Variants in TICRR observed in about 807,000 individuals in gnomAD.
TICRR encodes the protein treslin.
TICRR carries 132 observed loss-of-function variants against 178.1 expected under a neutral mutation model. The observed-to-expected ratio is 0.74, with a 90% CI of 0.64 to 0.86. The LOEUF (loss-of-function observed/expected upper bound fraction) is 0.86, where lower values mean the gene tolerates loss of function less well. Among genes scored for constraint, TICRR ranks in the 40% least tolerant of loss-of-function variants. TICRR has a pLI of 0.00. For synonymous variants in TICRR, 991 were observed against 900.7 expected (o/e 1.10, Z -1.79); for missense variants, 2,587 against 2,334.3 (o/e 1.11, Z -2.23).
At chr15:89,596,588 C>A (rs906332839) in intron 7 of TICRR, among the ~76,000 whole-genome samples, 1 of 152,196 alleles carries the variant, frequency 6.6e-6, no homozygotes, top group African/African-American at 2.4e-5. Context: ...CTCAGGTGAT[C>A]AGCCTGCTTC....
At position 89,584,336 on chromosome 15, in the gene TICRR, A is replaced by T. The variant is rs199854865; in HGVS notation, c.985A>T (p.Met329Leu). 3 of 1,614,214 alleles carry T rather than the reference A, an allele frequency of 1.9e-6. No homozygotes were observed. Among genetic ancestry groups the T allele is most frequent in the Non-Finnish European group, 2.5e-6 (3 of 1,180,036 alleles). ...TWTVTLEPLA[M>L]HQRHFQKPVR... The stretch of plus-strand genomic sequence containing the variant: ...GACAGTCACCCTAGAGCCCTTGGCC[A>T]TGCATCAGAGACATTTTCAGAAACC... The change falls in exon 3 of 22, where the codon ATG (methionine) becomes TTG (leucine). Residue 329 changes from methionine (M) to leucine (L), a missense_variant. By Grantham distance (15) the Met-to-Leu change is conservative. Coordinates refer to ENST00000268138, the MANE Select transcript of TICRR (RefSeq NM_152259.4).
chr15:89,606,963 A>G (rs182158897), intron 14 of TICRR, 138 bp downstream of exon 14: 48 of 619,554 alleles, frequency 7.7e-5, no homozygotes, highest in South Asian at 4.0e-4. Context: ...TCCAAATACC[A>G]TGGACATAGT....
At chr15:89,601,672 G>C in intron 11 of TICRR, 65 bp from the exon 12 acceptor site, 1 of 1,611,338 alleles carries the variant, frequency 6.2e-7, no homozygotes, top group Non-Finnish European at 8.5e-7. Flanking sequence ...TTTTAGGCTG[G>C]GTGAGGGAGG....
At chr15:89,598,150 T>TTTGTTTG (rs1567044290) in intron 7 of TICRR, among the ~76,000 whole-genome samples, 1 of 51,886 alleles carries the variant, frequency 1.9e-5, no homozygotes, top group South Asian at 6.4e-4. Context: ...TTGTTTGTTT[T>TTTGTTTG]TTTTAGTAGA....
At chr15:89,604,166 A>G (rs1006886672) in intron 13 of TICRR, among the ~76,000 whole-genome samples, 9 of 152,258 alleles carry the variant, frequency 5.9e-5, no homozygotes, top group African/African-American at 1.7e-4. Flanking sequence ...TTAAAATTCA[A>G]TAAGAACTAT....
At chr15:89,605,470 G>T (rs879862868) in intron 13 of TICRR, among the ~76,000 whole-genome samples, 1 of 152,120 alleles carries the variant, frequency 6.6e-6, no homozygotes, top group Non-Finnish European at 1.5e-5. Flanking sequence ...CCGGGTTCAC[G>T]CCATTCTCCT....
intron 13 of TICRR, 109 bp from the exon 14 acceptor site, chr15:89,606,659 G>A: frequency 1.2e-6 from 1 of 831,350 alleles, no homozygotes; most frequent in East Asian, 2.6e-5. Flanking sequence ...TTCTATTATG[G>A]ATCCCTATAA....
chr15:89,626,107 C>T (rs1413451807), intron 21 of TICRR, 46 bp downstream of exon 21: 1 of 1,597,394 alleles, frequency 6.3e-7, no homozygotes, highest in Non-Finnish European at 8.5e-7. Flanking sequence ...GACAGACTGT[C>T]TGAATTCACC....
chr15:89,621,982 C>CTTTTTTTTTTTTTTT (rs34123859), intron 19 of TICRR, among the ~76,000 whole-genome samples: 1 of 87,778 alleles, frequency 1.1e-5, no homozygotes, highest in Non-Finnish European at 2.1e-5. Context: ...CAAACTGACT[C>CTTTTTTTTTTTTTTT]TTTTTTTTTT....
In TICRR at chr15:89,619,723, G is replaced by A. The variant is rs199564658; in HGVS notation, c.3035G>A (p.Arg1012Gln). 40 of 1,611,138 alleles carry A rather than the reference G, an allele frequency of 2.5e-5. 1 individual carries two copies. The highest frequency in any genetic ancestry group is 3.3e-4 in the Middle Eastern group (2 of 6,036). Residue 1012 changes from arginine to glutamine, a missense_variant, in exon 18 of 22, where the codon CGA becomes CAA. By Grantham distance (43) the Arg-to-Gln change is conservative (BLOSUM62 1). Coordinates refer to ENST00000268138, the MANE Select transcript of TICRR (RefSeq NM_152259.4). ...GATTTTACAGAAATAAGTCTGAGAC[G>A]AAGTCCTCGAATCAAGCAGTTGTCA... ...PEKGDEISLR[R>Q]SPRIKQLSFS...
chr15:89,619,638 T>G, intron 17 of TICRR, 70 bp from the exon 18 acceptor site: 1 of 1,539,920 alleles, frequency 6.5e-7, no homozygotes, highest in Non-Finnish European at 8.7e-7. Context: ...TTTGCCCGGT[T>G]TTGGACAACA....
rs115500294 is a variant in TICRR, at chr15:89,575,547, C to A, written c.-40C>A. 5.3e-3 allele frequency: 7,638 copies of A among 1,442,472 alleles called. 347 individuals are homozygous for A. The African/African-American group carries it at 0.098, about 19-fold the overall frequency. 89.4% of individuals were successfully genotyped at this position (1,442,472 alleles called of 1,614,324 possible). On this transcript the variant is annotated 5_prime_UTR_variant, in exon 1 of 22. Coordinates refer to ENST00000268138, the MANE Select transcript of TICRR (RefSeq NM_152259.4). ...AGGAAGGGACTAAGGGACGGTGGCG[C>A]GGGCCCGGACCGGGGCCCCGGGGCG...
In TICRR at chr15:89,618,202, A is replaced by C; in HGVS notation, c.3011A>C (p.Lys1004Thr). 3 of 1,614,164 alleles carry C rather than the reference A, an allele frequency of 1.9e-6. No individual in the cohort carries two copies. Among genetic ancestry groups the C allele is most frequent in the Non-Finnish European group, 1.7e-6 (2 of 1,180,004 alleles). The stretch of plus-strand genomic sequence containing the variant: ...GGTGTTGTTGAAGAGTCCCCTGAAA[A>C]AGGAGATGGTGAGTGTTATCTCTTT... ...DIGVVEESPE[K>T]GDEISLRRSP... is the part of the protein sequence containing the mutation. The change falls in exon 17 of 22, where the codon AAA becomes ACA. Residue 1004 changes from lysine to threonine, a missense_variant. Lys to Thr is a moderately conservative substitution (Grantham distance 78). Transcript: ENST00000268138.
At chr15:89,586,375 A>G (rs1460929881) in intron 4 of TICRR, among the ~76,000 whole-genome samples, 1 of 152,072 alleles carries the variant, frequency 6.6e-6, no homozygotes, top group Non-Finnish European at 1.5e-5. Flanking sequence ...TATATATAAA[A>G]TCAACTTGAT....
intron 8 of TICRR, among the ~76,000 whole-genome samples, 167 bp from the exon 9 acceptor site, chr15:89,600,418 T>C (rs1596047813): frequency 6.6e-6 from 1 of 152,226 alleles, no homozygotes; most frequent in Non-Finnish European, 1.5e-5. Context: ...ACTTTTACCA[T>C]GTTCTTTTTA....
In TICRR at chr15:89,575,870, C is replaced by A. The variant is rs1962602851; in HGVS notation, c.284C>A (p.Pro95His). ...EDRAHLPGPA[P>H]RATHTHGALM... ...CGCGCCCACCTGCCCGGCCCGGCGC[C>A]CAGGGCCACCCACACGCACGGCGCC... Residue 95 changes from proline (P) to histidine (H), a missense_variant, in exon 1 of 22, where the codon CCC becomes CAC. Coordinates refer to ENST00000268138, the MANE Select transcript of TICRR (RefSeq NM_152259.4). The A allele has an allele frequency of 2.5e-6, 4 of 1,585,760 alleles. No individual in the cohort carries two copies. The highest frequency in any genetic ancestry group is 3.4e-6 in the Non-Finnish European group (4 of 1,168,710).
At chr15:89,606,871 C>A (rs1449402006) in intron 14 of TICRR, 46 bp downstream of exon 14, 3 of 1,538,124 alleles carry the variant, frequency 2.0e-6, no homozygotes, top group Admixed American at 1.7e-5. Flanking sequence ...AGCATGACAA[C>A]TTTATTTTTA....
intron 20 of TICRR, 35 bp from the exon 21 acceptor site, chr15:89,625,901 G>C: frequency 6.5e-7 from 1 of 1,545,668 alleles, no homozygotes; most frequent in Non-Finnish European, 8.7e-7. Flanking sequence ...TTGGGGGTCT[G>C]GGGACGCTGC....
intron 16 of TICRR, 104 bp from the exon 17 acceptor site, chr15:89,618,048 C>A: frequency 8.5e-7 from 1 of 1,175,206 alleles, no homozygotes. Context: ...TGTTATCAGA[C>A]CCTGTGATCT....
Sources: allele counts gnomAD v4.1 joint callset (sites outside exome capture counted in the v4.1 genomes callset), GRCh38; gene constraint gnomAD v4.1.1; transcripts MANE v1.5; gene names NCBI Gene and HGNC (gene_info 2026-07-23, HGNC 2026-07-21).